COL11A1: variants seen among roughly 807,000 people sequenced by gnomAD.
COL11A1 encodes collagen alpha-1(XI) chain.
In COL11A1, 74 loss-of-function variants were observed where a neutral mutation model predicts 265.2. The ratio of observed to expected loss-of-function variants is 0.28; its 90% CI spans 0.23 to 0.34. COL11A1 has a LOEUF of 0.34. Ranked by LOEUF, COL11A1 falls within the 10% of genes least tolerant of loss-of-function variation. The pLI is 1.00. For synonymous variants in COL11A1, 816 were observed against 727.6 expected, an observed-to-expected ratio of 1.12 and a Z score of -1.96; for missense variants, 2,165 against 2,263.6, an observed-to-expected ratio of 0.96 and a Z score of 0.88.
intron 57 of COL11A1, among the ~76,000 whole-genome samples, chr1:102,894,506 C>A (rs1426085672): frequency 2.1e-5 from 3 of 145,796 alleles, no homozygotes; most frequent in African/African-American, 7.7e-5. Flanking sequence ...TGCACTCCAG[C>A]CCCGGTGATA....
intron 4 of COL11A1, among the ~76,000 whole-genome samples, chr1:103,056,066 TTTTG>T (rs1204271485): frequency 6.6e-6 from 1 of 152,210 alleles, no homozygotes; most frequent in East Asian, 1.9e-4. Flanking sequence ...TTTGTTTTGT[TTTTG>T]TTTTTGTTTC....
intron 4 of COL11A1, 120 bp from the exon 5 acceptor site, chr1:103,031,364 C>T (rs1667988328): frequency 1.6e-6 from 2 of 1,217,740 alleles, no homozygotes; most frequent in Non-Finnish European, 1.1e-6. Flanking sequence ...AAATGACCTA[C>T]TTATATTTCA....
chr1:103,002,367 T>C, intron 23 of COL11A1, 61 bp downstream of exon 23: 2 of 1,379,286 alleles, frequency 1.5e-6, no homozygotes, highest in Non-Finnish European at 2.0e-6. Context: ...GTCGATTTTC[T>C]TATAGAAAGA....
At chr1:102,910,717 A>G (rs984324707) in intron 54 of COL11A1, among the ~76,000 whole-genome samples, 1 of 152,024 alleles carries the variant, frequency 6.6e-6, no homozygotes, top group African/African-American at 2.4e-5. Flanking sequence ...GTTCAACCCA[A>G]CACTAGGGTG....
chr1:103,002,000 G>A (rs1665154343), intron 23 of COL11A1, 31 bp from the exon 24 acceptor site: 1 of 1,567,662 alleles, frequency 6.4e-7, no homozygotes, highest in Admixed American at 1.7e-5. Flanking sequence ...TCATATATCA[G>A]ATATCAAATC....
chr1:103,012,135 AATGAATG>A (rs1416580576), intron 14 of COL11A1, among the ~76,000 whole-genome samples: 1 of 152,208 alleles, frequency 6.6e-6, no homozygotes, highest in African/African-American at 2.4e-5. Context: ...ATATTAGGCA[AATGAATG>A]ATACTTATAG....
chr1:102,880,100 G>A, intron 65 of COL11A1, 184 bp from the exon 66 acceptor site: 1 of 587,086 alleles, frequency 1.7e-6, no homozygotes, highest in Non-Finnish European at 3.0e-6. Flanking sequence ...AAGATTTTAT[G>A]AATTGTATCC....
At chr1:102,931,506 C>T (rs1423853965) in intron 46 of COL11A1, among the ~76,000 whole-genome samples, 1 of 152,140 alleles carries the variant, frequency 6.6e-6, no homozygotes, top group African/African-American at 2.4e-5. Flanking sequence ...GAGAGCTTTA[C>T]TTCCAAGTAT....
At chr1:102,977,247 G>GA (rs1254782576) in intron 35 of COL11A1, among the ~76,000 whole-genome samples, 4 of 152,098 alleles carry the variant, frequency 2.6e-5, no homozygotes, top group Non-Finnish European at 4.4e-5. Context: ...ATTCTTGGCA[G>GA]AAAATGAAGG....
Position 102,998,893 on chromosome 1 carries a change from G to A in COL11A1, c.2143-530C>T, listed in dbSNP as rs181351853. Among the ~76,000 whole-genome samples the A allele has an allele frequency of 1.6e-3, 237 of 151,850 alleles. 2 individuals carry two copies. The highest frequency in any genetic ancestry group is 2.3e-3 in the Non-Finnish European group (159 of 67,834). On this transcript the variant is annotated intron_variant, in intron 24 of 66. Coordinates refer to ENST00000370096, the MANE Select transcript of COL11A1 (RefSeq NM_001854.4). The stretch of plus-strand genomic sequence containing the variant: ...ATGTAAAAAGAACATATCCTAATAG[G>A]TACCCAATAAGATAATAATAAAGTA...
intron 4 of COL11A1, among the ~76,000 whole-genome samples, chr1:103,054,870 C>T (rs573708249): frequency 7.9e-5 from 12 of 152,114 alleles, no homozygotes; most frequent in South Asian, 2.1e-4. Context: ...CATTGCACTC[C>T]AGCCTGGGCA....
At position 102,886,925 on chromosome 1, in the gene COL11A1, A is replaced by G; in HGVS notation, c.4740T>C (p.Phe1580=). The part of the protein sequence containing the change: ...LDYSDGMEEI[F]GSLNSLKQDI... ...CTTGTTTCAGGGAATTGAGGGAACC[A>G]AATATTTCTTCCATTCCATCCGAGT... The change falls in exon 63 of 67, where the codon TTT becomes TTC. Residue 1580 remains phenylalanine, a synonymous_variant. Coordinates refer to ENST00000370096, the MANE Select transcript of COL11A1 (RefSeq NM_001854.4). The G allele has an allele frequency of 6.2e-7, 1 of 1,613,892 alleles. No individual in the cohort carries two copies. Among genetic ancestry groups the G allele is most frequent in the Non-Finnish European group, 8.5e-7 (1 of 1,179,840 alleles).
chr1:102,927,977 G>A (rs1656824106), intron 46 of COL11A1, among the ~76,000 whole-genome samples: 1 of 152,096 alleles, frequency 6.6e-6, no homozygotes, highest in Non-Finnish European at 1.5e-5. Flanking sequence ...CCGGGGAAAG[G>A]AAGCGAAAGT....
chr1:103,069,704 TAAACTAA>T (rs1179627660), intron 4 of COL11A1, among the ~76,000 whole-genome samples: 1 of 151,912 alleles, frequency 6.6e-6, no homozygotes, highest in African/African-American at 2.4e-5. Flanking sequence ...TAAAACTCCT[TAAACTAA>T]AACAAACAGC....
At position 102,962,666 on chromosome 1, in the gene COL11A1, T is replaced by C. The variant is rs371813445; in HGVS notation, c.3011A>G (p.Lys1004Arg). 2 of 1,614,138 alleles carry C rather than the reference T, an allele frequency of 1.2e-6. No homozygotes were observed. Among genetic ancestry groups the C allele is most frequent in the East Asian group, 2.2e-5 (1 of 44,870 alleles). Reference sequence around the variant, plus strand: ...AGCATGTTGTACCTTTGCACCTTCTTTTCCTGCAGCACCAGGAAGACCTTG... The same window carrying C: ...AGCATGTTGTACCTTTGCACCTTCTCTTCCTGCAGCACCAGGAAGACCTTG... ...GEQGLPGAAG[K>R]EGAKGDPGPQ... The change falls in exon 39 of 67, where the codon AAA becomes AGA. Residue 1004 changes from lysine (K) to arginine (R), a missense_variant. Lys to Arg is a conservative substitution (Grantham distance 26). Transcript: ENST00000370096.
intron 46 of COL11A1, among the ~76,000 whole-genome samples, chr1:102,926,024 T>A (rs7517339): frequency 6.6e-6 from 1 of 152,096 alleles, no homozygotes; most frequent in African/African-American, 2.4e-5. Flanking sequence ...TCATCTTTTT[T>A]ATGCATATAA....
intron 30 of COL11A1, 121 bp from the exon 31 acceptor site, chr1:102,984,312 G>T: frequency 3.2e-6 from 2 of 634,634 alleles, no homozygotes; most frequent in Non-Finnish European, 5.4e-6. Context: ...AAGATTTGCA[G>T]ATTTTTGTCA....
chr1:103,016,283 A>T (rs1194662216), intron 11 of COL11A1, among the ~76,000 whole-genome samples: 2 of 151,972 alleles, frequency 1.3e-5, no homozygotes, highest in African/African-American at 2.4e-5. Flanking sequence ...TAATTTTAGC[A>T]TGTTAATGTT....
chr1:103,074,756 C>A lies in COL11A1; in HGVS notation c.513G>T (p.Val171=). ...DGKWHRVAIS[V]EKKTVTMIVD... ...CAATCATTGTCACAGTTTTCTTCTC[C>A]ACGCTGATTGCTACCCGATGCCACC... Residue 171 remains valine (V), a synonymous_variant, in exon 4 of 67, where the codon GTG becomes GTT. Transcript: ENST00000370096. The A allele has an allele frequency of 6.2e-7, 1 of 1,613,234 alleles. No homozygotes were observed. Among genetic ancestry groups the A allele is most frequent in the African/African-American group, 1.3e-5 (1 of 74,970 alleles).
Sources: allele counts gnomAD v4.1 joint callset (sites outside exome capture counted in the v4.1 genomes callset), GRCh38; gene constraint gnomAD v4.1.1; transcripts MANE v1.5; gene names NCBI Gene and HGNC (gene_info 2026-07-23, HGNC 2026-07-21).